DTNA: variants seen among roughly 807,000 people sequenced by gnomAD.
DTNA encodes dystrophin-related protein 3.
In DTNA, 43 loss-of-function variants were observed where a neutral mutation model predicts 100.7. The observed-to-expected ratio is 0.43, with a 90% CI of 0.33 to 0.55. The LOEUF is 0.55. DTNA is among the 20% of genes least tolerant of loss of function. The pLI is 0.04. For missense variants in DTNA, 798 were observed against 953.9 expected (o/e 0.84, Z 2.15); for synonymous variants, 349 against 347.9 (o/e 1.00, Z -0.04).
chr18:34,690,064 ATCTTAGTTTGCTGGG>A (rs1349325535), intron 1 of DTNA, among the ~76,000 whole-genome samples: 2 of 152,100 alleles, frequency 1.3e-5, no homozygotes, highest in Non-Finnish European at 2.9e-5. Context: ...AAGCCAGTGG[ATCTTAGTTTGCTGGG>A]TTTCTTTGGG....
chr18:34,594,061 G>T (rs144918779), intron 1 of DTNA, among the ~76,000 whole-genome samples: 2 of 151,990 alleles, frequency 1.3e-5, no homozygotes, highest in African/African-American at 4.8e-5. Flanking sequence ...AAAAAAATAG[G>T]CACTTTTCAG....
At chr18:34,510,039 TC>T (rs1360248417) in intron 1 of DTNA, among the ~76,000 whole-genome samples, 11 of 151,038 alleles carry the variant, frequency 7.3e-5, no homozygotes, top group Non-Finnish European at 1.3e-4. Flanking sequence ...ATAAAAATAG[TC>T]CTGTGGTTTC....
At chr18:34,765,502 C>G (rs1432903808) in intron 2 of DTNA, among the ~76,000 whole-genome samples, 1 of 152,162 alleles carries the variant, frequency 6.6e-6, no homozygotes, top group Non-Finnish European at 1.5e-5. Flanking sequence ...AACTGAAGCT[C>G]TAAAAGCAAT....
Position 34,851,945 on chromosome 18 carries a change from G to A in DTNA, c.1532+17G>A, listed in dbSNP as rs777993752. 7.4e-6 allele frequency: 12 copies of A among 1,612,050 alleles called. No homozygotes were observed. Among genetic ancestry groups the A allele is most frequent in the South Asian group, 3.3e-5 (3 of 90,960 alleles). Reference sequence around the variant, plus strand: ...CAAGAACAGGTGAGACTTTGTAGACGTGCTGGCTTGTTTGATCAATGTGCG... The same window carrying A: ...CAAGAACAGGTGAGACTTTGTAGACATGCTGGCTTGTTTGATCAATGTGCG... On this transcript the variant is annotated intron_variant, in intron 15 of 22. Transcript: ENST00000444659.
At chr18:34,556,033 G>A (rs925783389) in intron 1 of DTNA, among the ~76,000 whole-genome samples, 2 of 150,864 alleles carry the variant, frequency 1.3e-5, no homozygotes, top group South Asian at 2.1e-4. Context: ...CTCAGGACTT[G>A]CTTTATGAAT....
intron 1 of DTNA, among the ~76,000 whole-genome samples, chr18:34,526,934 CT>C (rs1184305776): frequency 6.6e-6 from 1 of 152,052 alleles, no homozygotes; most frequent in African/African-American, 2.4e-5. Context: ...ATTTTCAATG[CT>C]GTGATGATTT....
chr18:34,851,442 G>A (rs1038203369), intron 14 of DTNA, among the ~76,000 whole-genome samples: 2 of 152,136 alleles, frequency 1.3e-5, no homozygotes, highest in African/African-American at 4.8e-5. Context: ...TAATTGAACG[G>A]TAACTCTAGA....
intron 1 of DTNA, among the ~76,000 whole-genome samples, chr18:34,546,767 T>TTTC (rs2044826440): frequency 1.3e-5 from 2 of 151,150 alleles, no homozygotes; most frequent in Admixed American, 6.6e-5. Flanking sequence ...TTCTTTCTTT[T>TTTC]TTTTTTATCT....
intron 5 of DTNA, among the ~76,000 whole-genome samples, chr18:34,806,949 A>G (rs1024379919): frequency 6.6e-6 from 1 of 152,172 alleles, no homozygotes; most frequent in African/African-American, 2.4e-5. Flanking sequence ...GCTTTAGGTA[A>G]AGAAACTGAG....
At chr18:34,726,180 G>GGTTT (rs2086643323) in intron 1 of DTNA, among the ~76,000 whole-genome samples, 3 of 151,978 alleles carry the variant, frequency 2.0e-5, no homozygotes, top group Non-Finnish European at 4.4e-5. Flanking sequence ...AAACCCACAT[G>GGTTT]GCACATGTAT....
intron 1 of DTNA, among the ~76,000 whole-genome samples, chr18:34,565,086 G>T (rs1052410137): frequency 2.0e-5 from 3 of 152,044 alleles, no homozygotes; most frequent in African/African-American, 7.3e-5. Context: ...ATGTAAGTAG[G>T]CATTTTTAAA....
intron 2 of DTNA, among the ~76,000 whole-genome samples, chr18:34,761,725 T>C (rs1210870988): frequency 6.6e-6 from 1 of 152,250 alleles, no homozygotes; most frequent in African/African-American, 2.4e-5. Flanking sequence ...TTTAGTTTTT[T>C]TATTATGAAA....
chr18:34,502,033 G>A (rs2144629171), intron 1 of DTNA, among the ~76,000 whole-genome samples: 1 of 152,254 alleles, frequency 6.6e-6, no homozygotes, highest in East Asian at 1.9e-4. Flanking sequence ...CTGGGGGCTA[G>A]GACTTCAACA....
chr18:34,580,637 C>T (rs7245168), intron 1 of DTNA, among the ~76,000 whole-genome samples: 43 of 152,288 alleles, frequency 2.8e-4, no homozygotes, highest in African/African-American at 9.4e-4. Context: ...GAGATGTCTG[C>T]GTACTTAAAG....
chr18:34,532,426 C>T (rs1256856742), intron 1 of DTNA, among the ~76,000 whole-genome samples: 1 of 152,042 alleles, frequency 6.6e-6, no homozygotes, highest in Non-Finnish European at 1.5e-5. Context: ...TGGAAAACTG[C>T]TCTAAGTTAG....
At chr18:34,692,246 A>G (rs969379127) in intron 1 of DTNA, among the ~76,000 whole-genome samples, 8 of 152,228 alleles carry the variant, frequency 5.3e-5, no homozygotes, top group Non-Finnish European at 8.8e-5. Context: ...AAGTAAAAGA[A>G]GAGCTCCGTT....
At chr18:34,567,399 G>A (rs1035534048) in intron 1 of DTNA, among the ~76,000 whole-genome samples, 1 of 151,946 alleles carries the variant, frequency 6.6e-6, no homozygotes, top group South Asian at 2.1e-4. Flanking sequence ...TCAACTTTTT[G>A]GCTGTTATGA....
At chr18:34,595,243 C>T (rs1008958016) in intron 1 of DTNA, among the ~76,000 whole-genome samples, 5 of 152,230 alleles carry the variant, frequency 3.3e-5, no homozygotes, top group African/African-American at 9.6e-5. Flanking sequence ...CACCTGGGTG[C>T]TCACCATACA....
intron 1 of DTNA, among the ~76,000 whole-genome samples, chr18:34,714,859 A>G (rs890850765): frequency 3.3e-5 from 5 of 152,200 alleles, no homozygotes; most frequent in Non-Finnish European, 5.9e-5. Flanking sequence ...CATACACACC[A>G]TGGAATACTA....
Sources: gnomAD v4.1 joint callset for allele counts (sites outside exome capture counted in the v4.1 genomes callset) on GRCh38, gnomAD v4.1.1 for gene constraint, MANE v1.5 for transcripts, NCBI Gene and HGNC (gene_info 2026-07-23, HGNC 2026-07-21) for gene names.